NEGR1: variants seen among roughly 807,000 people sequenced by gnomAD.
The protein encoded by NEGR1 is IgLON family member 4.
NEGR1 carries 10 observed loss-of-function variants against 40.9 expected under a neutral mutation model. The observed-to-expected ratio is 0.24, with a 90% confidence interval of 0.15 to 0.42. The LOEUF is 0.42. Among genes scored for constraint, NEGR1 ranks in the 10% least tolerant of loss-of-function variants. The pLI, the probability that NEGR1 is intolerant of heterozygous loss-of-function variation, is 1.00. For synonymous variants in NEGR1, 185 were observed against 166.8 expected (o/e 1.11, Z -0.84); for missense variants, 352 against 438.9 (o/e 0.80, Z 1.77).
intron 2 of NEGR1, among the ~76,000 whole-genome samples, chr1:71,880,596 T>C (rs1190022800): frequency 6.6e-6 from 1 of 152,030 alleles, no homozygotes; most frequent in Non-Finnish European, 1.5e-5. Flanking sequence ...CACTTCAACA[T>C]AGATAGAAAA....
At position 72,123,021 on chromosome 1, in the gene NEGR1, T is replaced by C. The variant is rs1649863124; in HGVS notation, c.176+159298A>G. On this transcript the variant is annotated intron_variant, in intron 1 of 6. Coordinates refer to ENST00000357731, the MANE Select transcript of NEGR1 (RefSeq NM_173808.3). ...CTGGAATACCCTTTTAAAATATTTG[T>C]TCATTGTTTTCCATGTTATTAAATC... is the stretch of plus-strand genomic sequence containing the variant. Among the ~76,000 whole-genome samples, 3 of 152,080 alleles carry C rather than the reference T, an allele frequency of 2.0e-5. No individual in the cohort carries two copies. In the South Asian group the frequency reaches 6.2e-4, roughly 32 times the overall value.
At position 71,728,091 on chromosome 1, in the gene NEGR1, C is replaced by CA. The variant is rs543793391; in HGVS notation, c.536-29953dup. Among the ~76,000 whole-genome samples, 279 of 152,124 alleles carry CA rather than the reference C, an allele frequency of 1.8e-3. 2 individuals are homozygous for CA. The highest frequency in any genetic ancestry group is 6.6e-3 in the African/African-American group (272 of 41,516). On this transcript the variant is annotated intron_variant, in intron 3 of 6. Coordinates refer to ENST00000357731, the MANE Select transcript of NEGR1 (RefSeq NM_173808.3). ...CAGCATTTAGGCTCATGCTTTGCAA[C>CA]AAAAAAGAGCTTAGAAGAGTTTCTA...
intron 1 of NEGR1, among the ~76,000 whole-genome samples, chr1:72,084,411 A>T (rs1386246964): frequency 6.6e-6 from 1 of 152,192 alleles, no homozygotes; most frequent in Non-Finnish European, 1.5e-5. Context: ...TTGCACTTCA[A>T]ATTCTAAAAT....
chr1:71,827,089 A>G lies in NEGR1; in HGVS notation c.410-50792T>C, dbSNP rs576216276. ...TTTCTCCTTTCACAGTGGTTTCCCA[A>G]AACATGAGACTTGTGATGAAATCCA... On this transcript the variant is annotated intron_variant, in intron 2 of 6. Coordinates refer to ENST00000357731, the MANE Select transcript of NEGR1 (RefSeq NM_173808.3). Among the ~76,000 whole-genome samples, 4 of 151,970 alleles carry G rather than the reference A, an allele frequency of 2.6e-5. No individual in the cohort carries two copies. In the South Asian group the frequency reaches 8.3e-4, roughly 32 times the overall value.
At chr1:71,976,243 G>A (rs917745755) in intron 1 of NEGR1, among the ~76,000 whole-genome samples, 8 of 152,022 alleles carry the variant, frequency 5.3e-5, no homozygotes, top group Non-Finnish European at 1.0e-4. Context: ...AACTCACATC[G>A]TCATATCATA....
At chr1:71,443,928 T>C (rs1646564382) in intron 6 of NEGR1, among the ~76,000 whole-genome samples, 1 of 152,214 alleles carries the variant, frequency 6.6e-6, no homozygotes, top group African/African-American at 2.4e-5. Flanking sequence ...TTAATTTCCA[T>C]TTACATTGTA....
intron 1 of NEGR1, among the ~76,000 whole-genome samples, chr1:72,079,729 A>G (rs1647906607): frequency 6.6e-6 from 1 of 152,140 alleles, no homozygotes; most frequent in Admixed American, 6.5e-5. Flanking sequence ...CCTCCACAAT[A>G]TTCTACTATA....
chr1:71,617,341 G>C (rs1478344692), intron 4 of NEGR1, among the ~76,000 whole-genome samples: 3 of 152,204 alleles, frequency 2.0e-5, no homozygotes. Flanking sequence ...TGTTAGAGAG[G>C]ATTAACGAAT....
chr1:71,976,193 ATTT>A (rs980106472), intron 1 of NEGR1, among the ~76,000 whole-genome samples: 31 of 152,332 alleles, frequency 2.0e-4, no homozygotes, highest in Admixed American at 6.5e-4. Flanking sequence ...GCAAGTTTAC[ATTT>A]TTTGTTTCTT....
At chr1:71,474,394 C>A (rs1249468297) in intron 6 of NEGR1, among the ~76,000 whole-genome samples, 1 of 149,632 alleles carries the variant, frequency 6.7e-6, no homozygotes, top group Non-Finnish European at 1.5e-5. Flanking sequence ...TGTTCAGGGC[C>A]AGGAGGGGTG....
chr1:71,741,207 T>C (rs1655201913), intron 3 of NEGR1, among the ~76,000 whole-genome samples: 1 of 152,136 alleles, frequency 6.6e-6, no homozygotes, highest in Non-Finnish European at 1.5e-5. Context: ...GAGCTGGAGG[T>C]TTGGCAATTG....
At chr1:72,192,301 T>A (rs1652846896) in intron 1 of NEGR1, among the ~76,000 whole-genome samples, 1 of 151,728 alleles carries the variant, frequency 6.6e-6, no homozygotes, top group African/African-American at 2.4e-5. Context: ...ACCAAGATTG[T>A]AAAAAGAATC....
intron 1 of NEGR1, among the ~76,000 whole-genome samples, chr1:72,153,669 T>C (rs1651250594): frequency 1.3e-5 from 2 of 151,792 alleles, no homozygotes; most frequent in Admixed American, 6.6e-5. Flanking sequence ...AAACCACTCA[T>C]ATGAAAGAAA....
At chr1:71,455,110 CA>C (rs1339100782) in intron 6 of NEGR1, among the ~76,000 whole-genome samples, 8 of 152,106 alleles carry the variant, frequency 5.3e-5, no homozygotes, top group Non-Finnish European at 1.2e-4. Flanking sequence ...CTGAAGATGC[CA>C]TCCATTATTT....
chr1:71,765,688 A>G (rs1055414607), intron 3 of NEGR1, among the ~76,000 whole-genome samples: 14 of 152,120 alleles, frequency 9.2e-5, no homozygotes, highest in African/African-American at 3.4e-4. Context: ...AGGTATCTAT[A>G]TGGTTTGTAT....
intron 2 of NEGR1, among the ~76,000 whole-genome samples, chr1:71,888,057 G>A (rs1301755487): frequency 6.6e-6 from 1 of 151,492 alleles, no homozygotes; most frequent in Non-Finnish European, 1.5e-5. Context: ...AAAAGCTCAT[G>A]TCTGAATGGC....
At chr1:71,685,484 G>A (rs1331622694) in intron 4 of NEGR1, among the ~76,000 whole-genome samples, 1 of 151,878 alleles carries the variant, frequency 6.6e-6, no homozygotes, top group African/African-American at 2.4e-5. Context: ...CACCACACCT[G>A]GCTACTTTTG....
At chr1:72,014,846 A>T (rs1035885772) in intron 1 of NEGR1, among the ~76,000 whole-genome samples, 51 of 151,522 alleles carry the variant, frequency 3.4e-4, no homozygotes, top group Non-Finnish European at 6.0e-4. Context: ...TCTTCAATGT[A>T]ACAATAATTA....
At chr1:71,882,072 C>T (rs1308884284) in intron 2 of NEGR1, among the ~76,000 whole-genome samples, 4 of 151,856 alleles carry the variant, frequency 2.6e-5, no homozygotes, top group Non-Finnish European at 5.9e-5. Context: ...AACATGTTGC[C>T]TTCCTGTGAA....
Sources: allele counts gnomAD v4.1 joint callset (sites outside exome capture counted in the v4.1 genomes callset), GRCh38; gene constraint gnomAD v4.1.1; transcripts MANE v1.5; gene names NCBI Gene and HGNC (gene_info 2026-07-23, HGNC 2026-07-21).